ZC3H3: variants seen among roughly 807,000 people sequenced by gnomAD.
ZC3H3 encodes the protein zinc finger CCCH-type containing 3.
In ZC3H3, 36 loss-of-function variants were observed where a neutral mutation model predicts 77.3. The ratio of observed to expected loss-of-function variants is 0.47; its 90% CI spans 0.36 to 0.61. ZC3H3 has a LOEUF of 0.61. Among genes scored for constraint, ZC3H3 ranks in the 20% least tolerant of loss-of-function variants. The pLI is 0.00. For missense variants in ZC3H3, 1,331 were observed against 1,312.2 expected (o/e 1.01, Z -0.22); for synonymous variants, 626 against 555.2 (o/e 1.13, Z -1.79).
At chr8:143,524,728 G>A (rs927126977) in intron 3 of ZC3H3, among the ~76,000 whole-genome samples, 7 of 152,258 alleles carry the variant, frequency 4.6e-5, no homozygotes, top group African/African-American at 9.6e-5. Flanking sequence ...ACTGGTGGCC[G>A]TGTGGCCCTG....
intron 3 of ZC3H3, among the ~76,000 whole-genome samples, chr8:143,521,766 G>A (rs1222428788): frequency 1.3e-5 from 2 of 152,206 alleles, no homozygotes; most frequent in African/African-American, 4.8e-5. Context: ...CCCCAGAAGG[G>A]GTCCCCAGGA....
intron 4 of ZC3H3, among the ~76,000 whole-genome samples, chr8:143,485,178 G>C (rs73715629): frequency 0.018 from 2,799 of 152,320 alleles, 75 homozygotes; most frequent in African/African-American, 0.064. Flanking sequence ...GAGTCCCCCT[G>C]GTGCTGAGAA....
chr8:143,468,740 G>A, intron 5 of ZC3H3, 81 bp from the exon 6 acceptor site: 2 of 1,474,668 alleles, frequency 1.4e-6, no homozygotes, highest in Non-Finnish European at 1.8e-6. Context: ...CTTAGTCGAG[G>A]CCCTCAGGGG....
chr8:143,541,310 C>A lies in ZC3H3; in HGVS notation c.46+66G>T, dbSNP rs1246722860. 1.9e-6 allele frequency: 3 copies of A among 1,597,848 alleles called. No homozygotes were observed. The African/African-American group carries it at 4.1e-5, about 22-fold the overall frequency. On this transcript the variant is annotated intron_variant, in intron 1 of 11. Transcript: ENST00000262577. The stretch of plus-strand genomic sequence containing the variant: ...GTGAGCGACCCCTTCGACAAGGGGG[C>A]AGGGGACCCGCCGCGAGGTGAGGGG...
At chr8:143,504,548 C>A (rs1260802134) in intron 4 of ZC3H3, among the ~76,000 whole-genome samples, 2 of 152,150 alleles carry the variant, frequency 1.3e-5, no homozygotes, top group Non-Finnish European at 2.9e-5. Context: ...GTCCTGAACA[C>A]CCCACCACAA....
At chr8:143,468,974 AG>A (rs781069206) in intron 5 of ZC3H3, among the ~76,000 whole-genome samples, 17 of 152,264 alleles carry the variant, frequency 1.1e-4, no homozygotes, top group Non-Finnish European at 1.3e-4. Flanking sequence ...GCACCCGCGG[AG>A]GGCTTGGCCA....
chr8:143,516,401 G>A (rs1020045307), intron 3 of ZC3H3, among the ~76,000 whole-genome samples: 3 of 152,116 alleles, frequency 2.0e-5, no homozygotes, highest in Non-Finnish European at 1.5e-5. Flanking sequence ...ACGCCCTGAG[G>A]CTGCTCCGCA....
chr8:143,512,197 C>T (rs1286350146), intron 3 of ZC3H3, among the ~76,000 whole-genome samples: 3 of 152,258 alleles, frequency 2.0e-5, no homozygotes, highest in Non-Finnish European at 2.9e-5. Context: ...CACTGCAGCG[C>T]TGCCCAGGGT....
In ZC3H3 at chr8:143,494,439, G is replaced by C. The variant is rs1821289539; in HGVS notation, c.1715+13307C>G. Among the ~76,000 whole-genome samples, 1 of 152,206 alleles carries C rather than the reference G, an allele frequency of 6.6e-6. No individual in the cohort carries two copies. The highest frequency in any genetic ancestry group is 2.4e-5 in the African/African-American group (1 of 41,458). On this transcript the variant is annotated intron_variant, in intron 4 of 11. Coordinates refer to ENST00000262577, the MANE Select transcript of ZC3H3 (RefSeq NM_015117.3). The surrounding 1 kb of genome is among the most constrained non-coding windows in gnomAD (Gnocchi z 5.3). Reference sequence around the variant, plus strand: ...CAGCGTGGAGGATGGGGCTCCGGCAGATGACCCCCGAGGGGTGAGCACAGG... The same window carrying C: ...CAGCGTGGAGGATGGGGCTCCGGCACATGACCCCCGAGGGGTGAGCACAGG...
intron 5 of ZC3H3, among the ~76,000 whole-genome samples, chr8:143,469,673 GGGGA>G (rs141265552): frequency 0.023 from 3,542 of 152,306 alleles, 124 homozygotes; most frequent in African/African-American, 0.08. Flanking sequence ...TGAGAGCCAA[GGGGA>G]TGAGGCGGGG....
At chr8:143,473,900 C>T (rs1163832407) in intron 5 of ZC3H3, among the ~76,000 whole-genome samples, 1 of 152,188 alleles carries the variant, frequency 6.6e-6, no homozygotes, top group Non-Finnish European at 1.5e-5. Flanking sequence ...GAAATGACTG[C>T]TGGAGAGAAG....
chr8:143,486,487 A>G (rs1360660161), intron 4 of ZC3H3, among the ~76,000 whole-genome samples: 1 of 152,240 alleles, frequency 6.6e-6, no homozygotes, highest in Non-Finnish European at 1.5e-5. Flanking sequence ...CTAGTGGATC[A>G]GGGCCAAACA....
At chr8:143,491,451 C>T (rs1821199037) in intron 4 of ZC3H3, among the ~76,000 whole-genome samples, 1 of 152,264 alleles carries the variant, frequency 6.6e-6, no homozygotes, top group South Asian at 2.1e-4. Flanking sequence ...GACAGCCATT[C>T]ACAGCCGGGC....
In ZC3H3 at chr8:143,498,427, T is replaced by C. The variant is rs1821415541; in HGVS notation, c.1715+9319A>G. ...GACCTGAGTCCACAGCCTCTGAGTGTGGCCCGCTCACCGGTCATCTTGCCT... is the reference window on the plus strand; with the variant it reads ...GACCTGAGTCCACAGCCTCTGAGTGCGGCCCGCTCACCGGTCATCTTGCCT... On this transcript the variant is annotated intron_variant, in intron 4 of 11. Transcript: ENST00000262577. Among the ~76,000 whole-genome samples the C allele has an allele frequency of 2.6e-5, 4 of 152,152 alleles. No individual in the cohort carries two copies. The South Asian group carries it at 8.3e-4, about 32-fold the overall frequency.
At chr8:143,439,751 G>A (rs978512984) in intron 11 of ZC3H3, among the ~76,000 whole-genome samples, 2 of 152,238 alleles carry the variant, frequency 1.3e-5, no homozygotes, top group Admixed American at 1.3e-4. Context: ...GGCCCCACCT[G>A]GAGATTCTGA....
At position 143,460,451 on chromosome 8, in the gene ZC3H3, G is replaced by A. The variant is rs751065024; in HGVS notation, c.2307+5266C>T. Among the ~76,000 whole-genome samples, 34 of 152,182 alleles carry A rather than the reference G, an allele frequency of 2.2e-4. No individual in the cohort carries two copies. The highest frequency in any genetic ancestry group is 1.2e-3 in the South Asian group (6 of 4,816). ...GGAGGGTGTGGAGAAACGGGAACCC[G>A]TGCGCCGTTGCTGGGAACGTAAAGT... On this transcript the variant is annotated intron_variant, in intron 9 of 11. Coordinates refer to ENST00000262577, the MANE Select transcript of ZC3H3 (RefSeq NM_015117.3). The surrounding 1 kb of genome is among the most constrained non-coding windows in gnomAD (Gnocchi z 4.0).
intron 4 of ZC3H3, among the ~76,000 whole-genome samples, chr8:143,478,426 C>T (rs111833922): frequency 0.013 from 2,005 of 152,336 alleles, 71 homozygotes; most frequent in African/African-American, 0.046. Flanking sequence ...CCAGGACCGC[C>T]CCACCCACCA....
intron 4 of ZC3H3, among the ~76,000 whole-genome samples, chr8:143,488,561 C>T (rs1407639112): frequency 6.7e-6 from 1 of 149,290 alleles, no homozygotes; most frequent in Non-Finnish European, 1.5e-5. Flanking sequence ...CCCATCACCA[C>T]GAAGTTCAGG....
At chr8:143,534,431 G>A (rs1043623324) in intron 3 of ZC3H3, among the ~76,000 whole-genome samples, 3 of 152,100 alleles carry the variant, frequency 2.0e-5, no homozygotes, top group Admixed American at 6.5e-5. Context: ...TCCGGGGGGC[G>A]CCGAGCAAGG....
Sources: allele counts gnomAD v4.1 joint callset (sites outside exome capture counted in the v4.1 genomes callset), GRCh38; gene constraint gnomAD v4.1.1; non-coding constraint Gnocchi (gnomAD v3.1); transcripts MANE v1.5; gene names NCBI Gene and HGNC (gene_info 2026-07-23, HGNC 2026-07-21).